The following RASSF3 variants were observed in gnomAD, a reference collection of about 807,000 sequenced individuals.
The protein encoded by RASSF3 is ras association domain-containing protein 3.
Under a neutral mutation model 19.9 loss-of-function variants are expected in RASSF3, and 19 were observed. The observed-to-expected ratio is 0.96, with a 90% CI of 0.67 to 1.40. RASSF3 has a LOEUF of 1.40. Among genes scored for constraint, RASSF3 ranks in the 40% most tolerant of loss-of-function variants. The pLI, the probability that RASSF3 is intolerant of heterozygous loss-of-function variation, is 0.00. For synonymous variants in RASSF3, 110 were observed against 104.2 expected (o/e 1.06, Z -0.34); for missense variants, 306 against 289.8 (o/e 1.06, Z -0.41).
chr12:64,658,759 ACT>A (rs1413734710), intron 1 of RASSF3, among the ~76,000 whole-genome samples: 1 of 151,590 alleles, frequency 6.6e-6, no homozygotes, highest in Non-Finnish European at 1.5e-5. Context: ...TGAAAGTGAA[ACT>A]CTATCTCAAA....
intron 1 of RASSF3, among the ~76,000 whole-genome samples, chr12:64,637,031 T>G (rs1176501074): frequency 6.6e-6 from 1 of 152,150 alleles, no homozygotes; most frequent in African/African-American, 2.4e-5. Context: ...TATTCCCAAG[T>G]TTATATGGGG....
chr12:64,580,761 C>G (rs1298654814), intron 2 of RASSF3, among the ~76,000 whole-genome samples: 1 of 152,072 alleles, frequency 6.6e-6, no homozygotes, highest in Non-Finnish European at 1.5e-5. Flanking sequence ...CTGTATCATT[C>G]CAATCTCTGC....
upstream of RASSF3, among the ~76,000 whole-genome samples, chr12:64,605,684 G>A (rs564084588): frequency 3.9e-5 from 6 of 152,158 alleles, no homozygotes; most frequent in African/African-American, 1.2e-4. Flanking sequence ...GAGGTTGGGA[G>A]TTCAAGACCA....
chr12:64,647,777 T>A (rs919522677), intron 1 of RASSF3, among the ~76,000 whole-genome samples: 1 of 151,902 alleles, frequency 6.6e-6, no homozygotes, highest in Admixed American at 6.6e-5. Context: ...CTCCAACTCC[T>A]GGGCTCAAGC....
chr12:64,642,607 A>G (rs2136184167), intron 1 of RASSF3, among the ~76,000 whole-genome samples: 1 of 149,214 alleles, frequency 6.7e-6, no homozygotes, highest in African/African-American at 2.5e-5. Flanking sequence ...AAAACTTTGT[A>G]ATTAATACAA....
chr12:64,624,168 C>T (rs116778842), intron 1 of RASSF3, among the ~76,000 whole-genome samples: 7 of 151,876 alleles, frequency 4.6e-5, no homozygotes, highest in Non-Finnish European at 5.9e-5. Context: ...AAAGGCAAAC[C>T]TAGCACCGAT....
At chr12:64,507,332 A>C in intron 1 of RASSF3, 1 of 398,592 alleles carries the variant, frequency 2.5e-6, no homozygotes, top group Non-Finnish European at 4.4e-6. Context: ...AGGTGGGGGT[A>C]AGTTACCTCA....
At chr12:64,642,853 GTTTC>G (rs1197852711) in intron 1 of RASSF3, among the ~76,000 whole-genome samples, 45 of 150,052 alleles carry the variant, frequency 3.0e-4, no homozygotes, top group Admixed American at 1.5e-3. Context: ...CTTTGGGCAA[GTTTC>G]TTTCTTTCTT....
intron 1 of RASSF3, among the ~76,000 whole-genome samples, chr12:64,679,920 G>A (rs1592465790): frequency 6.6e-6 from 1 of 152,292 alleles, no homozygotes; most frequent in East Asian, 1.9e-4. Flanking sequence ...ATCCACAGAC[G>A]GCTGCGCCCC....
chr12:64,638,374 A>G lies in RASSF3; in HGVS notation c.111+27631A>G, dbSNP rs369751873. 1.3e-3 allele frequency among the ~76,000 whole-genome samples: 199 copies of G among 152,054 alleles called. 1 individual carries two copies. Among genetic ancestry groups the G allele is most frequent in the Admixed American group, 2.4e-3 (36 of 15,274 alleles). On this transcript the variant is annotated intron_variant, in intron 1 of 4. Coordinates refer to ENST00000542104, the MANE Select transcript of RASSF3 (RefSeq NM_178169.4). ...GGCGGGCGGATCACAAGGTCAGGAG[A>G]TCGAGACCATCCTGGCTAATACGGT...
intron 1 of RASSF3, among the ~76,000 whole-genome samples, chr12:64,650,113 T>C (rs963867546): frequency 6.6e-6 from 1 of 152,228 alleles, no homozygotes; most frequent in African/African-American, 2.4e-5. Flanking sequence ...ACGCATGTAT[T>C]TGCAGGGGCA....
chr12:64,684,637 G>T (rs1348594471), intron 1 of RASSF3, 150 bp from the exon 2 acceptor site: 1 of 546,782 alleles, frequency 1.8e-6, no homozygotes, highest in Non-Finnish European at 3.3e-6. Context: ...CTCCATTTTG[G>T]TCAGGGTGGT....
chr12:64,573,594 G>T lies in RASSF3; in HGVS notation c.294+31889G>T, dbSNP rs935387658. Among the ~76,000 whole-genome samples the T allele has an allele frequency of 1.3e-4, 20 of 152,148 alleles. 1 individual carries two copies. The highest frequency in any genetic ancestry group is 2.4e-5 in the African/African-American group (1 of 41,434). The stretch of plus-strand genomic sequence containing the variant: ...AATGCCCCAGGCTTGACTAGGGAAG[G>T]ATCCACTTCCAAACTCAGTCATGTG... On this transcript the variant is annotated intron_variant, in intron 2 of 5. Transcript: ENST00000637125.
intron 1 of RASSF3, among the ~76,000 whole-genome samples, chr12:64,637,483 G>A: frequency 6.7e-6 from 1 of 148,676 alleles, no homozygotes; most frequent in East Asian, 2.0e-4. Flanking sequence ...AGGCTGGAGT[G>A]CAGTGGCGTG....
upstream of RASSF3, among the ~76,000 whole-genome samples, chr12:64,608,118 C>G (rs1870225444): frequency 6.6e-6 from 1 of 151,906 alleles, no homozygotes; most frequent in African/African-American, 2.4e-5. Flanking sequence ...AAAGGTCTCA[C>G]TATGTTGGTC....
intron 1 of RASSF3, among the ~76,000 whole-genome samples, chr12:64,620,197 G>GT (rs1254095294): frequency 2.6e-5 from 4 of 151,956 alleles, no homozygotes; most frequent in Non-Finnish European, 4.4e-5. Context: ...TGTAGTAATT[G>GT]TTTTTTTGTA....
chr12:64,626,003 C>T (rs1382359654), intron 1 of RASSF3, among the ~76,000 whole-genome samples: 1 of 152,102 alleles, frequency 6.6e-6, no homozygotes, highest in Non-Finnish European at 1.5e-5. Flanking sequence ...TATTATCTCT[C>T]CACCCCCAAC....
intron 1 of RASSF3, among the ~76,000 whole-genome samples, chr12:64,519,410 C>T (rs1013745294): frequency 1.4e-4 from 22 of 151,804 alleles, no homozygotes; most frequent in Non-Finnish European, 2.4e-4. Context: ...GTCTCAAATA[C>T]GTATATATAT....
chr12:64,520,551 CACACAT>C (rs1191674311), intron 1 of RASSF3, among the ~76,000 whole-genome samples: 113 of 120,144 alleles, frequency 9.4e-4, no homozygotes, highest in African/African-American at 3.3e-3. Context: ...TACACACATA[CACACAT>C]ATATATATAT....
Sources: gnomAD v4.1 joint callset for allele counts (sites outside exome capture counted in the v4.1 genomes callset) on GRCh38, gnomAD v4.1.1 for gene constraint, MANE v1.5 for transcripts, NCBI Gene and HGNC (gene_info 2026-07-23, HGNC 2026-07-21) for gene names.